Variants in TMEM132B observed in about 807,000 individuals in gnomAD.
TMEM132B encodes transmembrane protein 132B.
Under a neutral mutation model 90.8 loss-of-function variants are expected in TMEM132B, and 18 were observed. That is an observed-to-expected ratio of 0.20 (90% CI 0.14 to 0.29). TMEM132B has a LOEUF of 0.29. Ranked by LOEUF, TMEM132B falls within the 10% of genes least tolerant of loss-of-function variation. The pLI, the probability that TMEM132B is intolerant of heterozygous loss-of-function variation, is 1.00. For synonymous variants in TMEM132B, 504 were observed against 523.3 expected (o/e 0.96, Z 0.50); for missense variants, 1,096 against 1,326.8 (o/e 0.83, Z 2.70).
chr12:125,563,601 A>ACAAACAAAC (rs1555258802), intron 4 of TMEM132B, among the ~76,000 whole-genome samples: 235 of 148,556 alleles, frequency 1.6e-3, no homozygotes, highest in African/African-American at 3.1e-3. Context: ...AAACAAACAA[A>ACAAACAAAC]AAAAAACCCC....
At chr12:125,629,164 T>A (rs1262193029) in intron 5 of TMEM132B, among the ~76,000 whole-genome samples, 1 of 151,740 alleles carries the variant, frequency 6.6e-6, no homozygotes, top group Non-Finnish European at 1.5e-5. Context: ...ATTCTAGGAT[T>A]TTTTTTTTCA....
At chr12:125,563,160 TA>T in intron 4 of TMEM132B, among the ~76,000 whole-genome samples, 1 of 147,222 alleles carries the variant, frequency 6.8e-6, no homozygotes, top group Middle Eastern at 3.6e-3. Flanking sequence ...ATAATAATAA[TA>T]ATAATAATAA....
intron 1 of TMEM132B, among the ~76,000 whole-genome samples, chr12:125,203,532 A>G (rs1429416200): frequency 3.9e-5 from 6 of 152,232 alleles, no homozygotes; most frequent in African/African-American, 7.2e-5. Flanking sequence ...TGACATATAC[A>G]AACATTTACC....
intron 1 of TMEM132B, among the ~76,000 whole-genome samples, chr12:125,265,489 A>G (rs979801416): frequency 1.3e-5 from 2 of 152,128 alleles, no homozygotes; most frequent in African/African-American, 4.8e-5. Context: ...CGATTTTTGG[A>G]CCCCAGTTGA....
At chr12:125,286,586 A>G (rs948183719) in intron 1 of TMEM132B, among the ~76,000 whole-genome samples, 2 of 152,132 alleles carry the variant, frequency 1.3e-5, no homozygotes, top group African/African-American at 4.8e-5. Context: ...GATTAAAACA[A>G]CAGAGATAAA....
chr12:125,352,653 G>C (rs144355366), intron 2 of TMEM132B, among the ~76,000 whole-genome samples: 3 of 152,232 alleles, frequency 2.0e-5, no homozygotes, highest in African/African-American at 7.2e-5. Flanking sequence ...GCCTATTGTT[G>C]TTTCCCTGGC....
rs1014684365 is a variant in TMEM132B, at chr12:125,458,129, G to C, written c.1106+42452G>C. Among the ~76,000 whole-genome samples, 1 of 152,046 alleles carries C rather than the reference G, an allele frequency of 6.6e-6. No homozygotes were observed. Among genetic ancestry groups the C allele is most frequent in the African/African-American group, 2.4e-5 (1 of 41,392 alleles). On this transcript the variant is annotated intron_variant, in intron 3 of 8. Transcript: ENST00000682704. The surrounding 1 kb of genome is among the most constrained non-coding windows in gnomAD (Gnocchi z 4.9). ...CAGATTCCAGAGACAGGTCTGGCTA[G>C]AACCAGCAGGACTCAGGGACAGAAT...
chr12:125,384,194 C>T (rs986931576), intron 2 of TMEM132B, among the ~76,000 whole-genome samples: 4 of 152,128 alleles, frequency 2.6e-5, no homozygotes, highest in African/African-American at 4.8e-5. Flanking sequence ...GTGATTGCCT[C>T]GGCCTCCTCA....
At chr12:125,558,557 A>G (rs371917302) in intron 4 of TMEM132B, among the ~76,000 whole-genome samples, 1 of 152,232 alleles carries the variant, frequency 6.6e-6, no homozygotes, top group African/African-American at 2.4e-5. Flanking sequence ...CCAAATAACT[A>G]GAAAACCTTT....
intron 3 of TMEM132B, among the ~76,000 whole-genome samples, chr12:125,435,766 G>C (rs1945819750): frequency 6.6e-6 from 1 of 152,086 alleles, no homozygotes; most frequent in African/African-American, 2.4e-5. Flanking sequence ...AGTCAGGGAT[G>C]AGCTCACTGT....
At chr12:125,370,724 T>G (rs776160344) in intron 2 of TMEM132B, among the ~76,000 whole-genome samples, 7 of 152,184 alleles carry the variant, frequency 4.6e-5, no homozygotes, top group Non-Finnish European at 8.8e-5. Flanking sequence ...CAGGGTTTTC[T>G]TGATAGGGAA....
intron 3 of TMEM132B, among the ~76,000 whole-genome samples, chr12:125,518,956 T>C (rs1883235201): frequency 6.6e-6 from 1 of 152,256 alleles, no homozygotes; most frequent in African/African-American, 2.4e-5. Flanking sequence ...CACTATTCTC[T>C]GCAAATTCTA....
intron 4 of TMEM132B, among the ~76,000 whole-genome samples, chr12:125,531,299 C>T (rs1314033301): frequency 6.6e-6 from 1 of 152,242 alleles, no homozygotes. Flanking sequence ...GATCTTCCCA[C>T]TTCAGGTTCC....
intron 2 of TMEM132B, among the ~76,000 whole-genome samples, chr12:125,411,546 C>T (rs770383483): frequency 1.3e-4 from 19 of 151,972 alleles, no homozygotes; most frequent in Admixed American, 2.0e-4. Flanking sequence ...AAATAAAAAC[C>T]GGAGATGCCC....
At chr12:125,538,123 A>C (rs1424042868) in intron 4 of TMEM132B, among the ~76,000 whole-genome samples, 1 of 152,200 alleles carries the variant, frequency 6.6e-6, no homozygotes, top group Non-Finnish European at 1.5e-5. Flanking sequence ...ATTTGGATGG[A>C]AACATTGTCG....
chr12:125,632,924 T>C (rs74503765), intron 5 of TMEM132B, among the ~76,000 whole-genome samples: 14,577 of 152,112 alleles, frequency 0.096, 1,153 homozygotes, highest in Admixed American at 0.27. Context: ...ACTTGGATAG[T>C]GACTTTTTTT....
chr12:125,456,842 ATTTG>A (rs1881304684), intron 3 of TMEM132B, among the ~76,000 whole-genome samples: 1 of 152,056 alleles, frequency 6.6e-6, no homozygotes, highest in Non-Finnish European at 1.5e-5. Context: ...TGTGAATTTT[ATTTG>A]TTTTTCTGTA....
intron 2 of TMEM132B, among the ~76,000 whole-genome samples, chr12:125,397,904 A>G (rs1879211929): frequency 6.6e-6 from 1 of 152,220 alleles, no homozygotes; most frequent in African/African-American, 2.4e-5. Flanking sequence ...ATTTCATGAC[A>G]GTGACACAGA....
chr12:125,546,054 G>T (rs542966252), intron 4 of TMEM132B, among the ~76,000 whole-genome samples: 162 of 152,258 alleles, frequency 1.1e-3, no homozygotes, highest in African/African-American at 3.8e-3. Context: ...GAATGCAATT[G>T]TGTAATCACC....
Sources: allele counts gnomAD v4.1 joint callset (sites outside exome capture counted in the v4.1 genomes callset), GRCh38; gene constraint gnomAD v4.1.1; non-coding constraint Gnocchi (gnomAD v3.1); transcripts MANE v1.5; gene names NCBI Gene and HGNC (gene_info 2026-07-23, HGNC 2026-07-21).